The following ANGPT1 variants were observed in gnomAD, a reference collection of about 807,000 sequenced individuals.
ANGPT1 encodes the protein angiopoietin 1.
ANGPT1 carries 17 observed loss-of-function variants against 62.2 expected under a neutral mutation model. The ratio of observed to expected loss-of-function variants is 0.27; its 90% CI spans 0.19 to 0.41. The LOEUF is 0.41. ANGPT1 is among the 10% of genes least tolerant of loss of function. The pLI, the probability that ANGPT1 is intolerant of heterozygous loss-of-function variation, is 1.00. For missense variants in ANGPT1, 478 were observed against 594.9 expected, an observed-to-expected ratio of 0.80 and a Z score of 2.04; for synonymous variants, 199 against 198.9, an observed-to-expected ratio of 1.00 and a Z score of 0.00.
intron 1 of ANGPT1, among the ~76,000 whole-genome samples, chr8:107,372,407 C>A (rs34977556): frequency 0.098 from 14,978 of 152,062 alleles, 743 homozygotes; most frequent in South Asian, 0.11. Context: ...TAGGAGATGA[C>A]CATTCTCCTG....
Position 107,497,288 on chromosome 8 carries a change from C to T in ANGPT1, c.271G>A (p.Glu91Lys). Residue 91 changes from glutamate to lysine, a missense_variant, in exon 1 of 9, where the codon GAA (glutamate) becomes AAA (lysine). Glu to Lys is a moderately conservative substitution (Grantham distance 56). Coordinates refer to ENST00000517746, the MANE Select transcript of ANGPT1 (RefSeq NM_001146.5). ...QKLQHLEHVM[E>K]NYTQWLQKLE... ...TTTTGCAGCCACTGAGTATAATTTT[C>T]CATCACATGTTCCAGATGTTGAAGT... The T allele has an allele frequency of 6.2e-7, 1 of 1,614,180 alleles. No individual in the cohort carries two copies. The highest frequency in any genetic ancestry group is 8.5e-7 in the Non-Finnish European group (1 of 1,180,022).
intron 6 of ANGPT1, among the ~76,000 whole-genome samples, chr8:107,288,036 T>G (rs938963014): frequency 6.6e-6 from 1 of 152,154 alleles, no homozygotes; most frequent in African/African-American, 2.4e-5. Context: ...AACAAGTTCC[T>G]TTCTACTTTG....
At chr8:107,370,558 C>T (rs537941624) in intron 1 of ANGPT1, among the ~76,000 whole-genome samples, 12 of 150 alleles carry the variant, frequency 0.08, no homozygotes, top group Admixed American at 0.2. Context: ...AAAAATTAGC[C>T]GGGCATGGTG....
chr8:107,460,528 C>T (rs1436415038), intron 1 of ANGPT1, among the ~76,000 whole-genome samples: 1 of 152,150 alleles, frequency 6.6e-6, no homozygotes, highest in Non-Finnish European at 1.5e-5. Context: ...GAATGAACAA[C>T]TCCAGATCTT....
chr8:107,328,116 T>G (rs1242227342), intron 3 of ANGPT1, among the ~76,000 whole-genome samples: 1 of 152,130 alleles, frequency 6.6e-6, no homozygotes, highest in Admixed American at 6.6e-5. Flanking sequence ...GAGGAAGATG[T>G]TGAAAATATA....
chr8:107,318,358 G>A (rs1295455194), intron 4 of ANGPT1, among the ~76,000 whole-genome samples: 4 of 152,190 alleles, frequency 2.6e-5, no homozygotes, highest in Admixed American at 2.6e-4. Context: ...AACATCAGAT[G>A]TGTTAGTAGA....
intron 1 of ANGPT1, among the ~76,000 whole-genome samples, chr8:107,366,574 T>C (rs1275113575): frequency 1.3e-5 from 2 of 152,200 alleles, no homozygotes; most frequent in Non-Finnish European, 1.5e-5. Context: ...TCCAGAAAGC[T>C]TGTTGTCATT....
At chr8:107,301,163 T>A (rs1029621492) in intron 5 of ANGPT1, among the ~76,000 whole-genome samples, 14 of 152,106 alleles carry the variant, frequency 9.2e-5, no homozygotes, top group African/African-American at 2.9e-4. Flanking sequence ...GTCAAAAAAA[T>A]TCTAAAATTG....
At chr8:107,388,579 C>T (rs1403423300) in intron 1 of ANGPT1, among the ~76,000 whole-genome samples, 1 of 152,118 alleles carries the variant, frequency 6.6e-6, no homozygotes. Flanking sequence ...AAAAAATACC[C>T]CAAACCGCCT....
intron 4 of ANGPT1, among the ~76,000 whole-genome samples, chr8:107,314,650 T>C (rs527780924): frequency 9.2e-5 from 14 of 152,322 alleles, no homozygotes; most frequent in Non-Finnish European, 2.1e-4. Flanking sequence ...GTTTGACATA[T>C]AATTTTCTGT....
intron 1 of ANGPT1, among the ~76,000 whole-genome samples, chr8:107,396,482 T>C (rs892708797): frequency 1.3e-5 from 2 of 151,576 alleles, no homozygotes; most frequent in Non-Finnish European, 2.9e-5. Flanking sequence ...CCGTCCTTTT[T>C]AGTTAGCCTT....
chr8:107,473,110 C>T (rs1812406021), intron 1 of ANGPT1, among the ~76,000 whole-genome samples: 1 of 151,976 alleles, frequency 6.6e-6, no homozygotes, highest in Admixed American at 6.6e-5. Context: ...GTAAATTTCC[C>T]ATTGAGCCTA....
chr8:107,494,794 AGAGT>A, intron 1 of ANGPT1: 2 of 152,318 alleles, frequency 1.3e-5, no homozygotes, highest in Middle Eastern at 6.8e-3. Flanking sequence ...AGCTTCATTT[AGAGT>A]TGATAACACA....
intron 6 of ANGPT1, among the ~76,000 whole-genome samples, chr8:107,291,388 G>A (rs1305334977): frequency 6.6e-6 from 1 of 150,786 alleles, no homozygotes; most frequent in African/African-American, 2.4e-5. Flanking sequence ...TCTTGTAAAT[G>A]GCAGAGTGAA....
chr8:107,374,417 T>C (rs1816484309), intron 1 of ANGPT1, among the ~76,000 whole-genome samples: 1 of 152,232 alleles, frequency 6.6e-6, no homozygotes, highest in Non-Finnish European at 1.5e-5. Flanking sequence ...AACTAACATG[T>C]TCACATGCAC....
rs112773785 is a variant in ANGPT1 at position 107,401,868 on chromosome 8, A to G, written c.298-54771T>C. ...CAGTGTGTAAAGATCTAAAAATTTT[A>G]AAAAGGAATTCACGATCAGTGCTCA... On this transcript the variant is annotated intron_variant, in intron 1 of 8. Transcript: ENST00000517746. 5.5e-3 allele frequency among the ~76,000 whole-genome samples: 838 copies of G among 152,310 alleles called. 4 individuals are homozygous for G. Among genetic ancestry groups the G allele is most frequent in the African/African-American group, 0.019 (788 of 41,568 alleles).
intron 1 of ANGPT1, among the ~76,000 whole-genome samples, chr8:107,476,318 A>G (rs893084505): frequency 1.3e-5 from 2 of 152,178 alleles, no homozygotes; most frequent in African/African-American, 4.8e-5. Context: ...CATCATTCTC[A>G]GCAAACTATT....
intron 1 of ANGPT1, among the ~76,000 whole-genome samples, chr8:107,422,043 G>A (rs1030031293): frequency 3.3e-5 from 5 of 152,048 alleles, no homozygotes; most frequent in Non-Finnish European, 7.4e-5. Context: ...TAGAGAGTAA[G>A]AAAGCCCATC....
At chr8:107,355,094 GT>G (rs1816014585) in intron 1 of ANGPT1, among the ~76,000 whole-genome samples, 1 of 151,792 alleles carries the variant, frequency 6.6e-6, no homozygotes, top group African/African-American at 2.4e-5. Flanking sequence ...TAGAGACAGG[GT>G]TTTGCCATGT....
Sources: gnomAD v4.1 joint callset for allele counts (sites outside exome capture counted in the v4.1 genomes callset) on GRCh38, gnomAD v4.1.1 for gene constraint, MANE v1.5 for transcripts, NCBI Gene and HGNC (gene_info 2026-07-23, HGNC 2026-07-21) for gene names.